Variants in ADAMTS6 observed in about 807,000 individuals in gnomAD.
ADAMTS6 encodes A disintegrin and metalloproteinase with thrombospondin motifs 6.
Under a neutral mutation model 144.3 loss-of-function variants are expected in ADAMTS6, and 23 were observed. That is an observed-to-expected ratio of 0.16 (90% CI 0.11 to 0.23). The LOEUF (loss-of-function observed/expected upper bound fraction) is 0.23, where lower values mean the gene tolerates loss of function less well. Among genes scored for constraint, ADAMTS6 ranks in the 10% least tolerant of loss-of-function variants. The pLI is 1.00. For missense variants in ADAMTS6, 999 were observed against 1,379.6 expected, an observed-to-expected ratio of 0.72 and a Z score of 4.37; for synonymous variants, 444 against 457.5, an observed-to-expected ratio of 0.97 and a Z score of 0.38.
chr5:65,369,496 T>A (rs544871003), intron 7 of ADAMTS6, among the ~76,000 whole-genome samples: 3 of 151,784 alleles, frequency 2.0e-5, no homozygotes, highest in African/African-American at 7.3e-5. Flanking sequence ...ATCTTTCTTA[T>A]GTTCTTAGCT....
intron 9 of ADAMTS6, among the ~76,000 whole-genome samples, chr5:65,323,868 G>C (rs570953919): frequency 2.6e-5 from 4 of 152,326 alleles, no homozygotes; most frequent in African/African-American, 7.2e-5. Context: ...CTGATGGCCA[G>C]TGATGATGAG....
In ADAMTS6 at chr5:65,230,339, GA is replaced by G. The variant is rs1324569697; in HGVS notation, c.1934-4121del. Among the ~76,000 whole-genome samples, 3 of 110,192 alleles carry G rather than the reference GA, an allele frequency of 2.7e-5. 1 individual carries two copies. Among genetic ancestry groups the G allele is most frequent in the Non-Finnish European group, 5.1e-5 (3 of 58,888 alleles). The allele number at this position is 110,192 out of a possible 152,430, so 72.3% of individuals were successfully genotyped here. ...AATATATATAATACATTATATATAT[GA>G]AATATATATAATACATTATATATGA... On this transcript the variant is annotated intron_variant, in intron 15 of 24. Coordinates refer to ENST00000381055, the MANE Select transcript of ADAMTS6 (RefSeq NM_197941.4).
chr5:65,327,806 G>T (rs552420057), intron 9 of ADAMTS6, among the ~76,000 whole-genome samples: 2 of 152,264 alleles, frequency 1.3e-5, no homozygotes, highest in East Asian at 3.9e-4. Context: ...TGTGAAATGT[G>T]TGTGTTGACA....
At position 65,364,226 on chromosome 5, in the gene ADAMTS6, A is replaced by T. The variant is rs184618134; in HGVS notation, c.1074-30141T>A. On this transcript the variant is annotated intron_variant, in intron 7 of 24. Coordinates refer to ENST00000381055, the MANE Select transcript of ADAMTS6 (RefSeq NM_197941.4). ...GAAAGGTTTTTGGCTAAGTACAAGG[A>T]CTATTTTTCCCTGGAGAAACTGCAG... Among the ~76,000 whole-genome samples the T allele has an allele frequency of 2.6e-5, 4 of 152,308 alleles. No homozygotes were observed. In the East Asian group the frequency reaches 7.7e-4, roughly 29 times the overall value.
At chr5:65,371,822 A>C (rs936536400) in intron 7 of ADAMTS6, among the ~76,000 whole-genome samples, 36 of 152,312 alleles carry the variant, frequency 2.4e-4, no homozygotes, top group African/African-American at 8.7e-4. Flanking sequence ...CATAATTGTC[A>C]GATTCACCAA....
At chr5:65,433,433 A>G (rs2150219854) in intron 7 of ADAMTS6, among the ~76,000 whole-genome samples, 1 of 152,266 alleles carries the variant, frequency 6.6e-6, no homozygotes, top group Admixed American at 6.5e-5. Flanking sequence ...GTGACTACAA[A>G]ATCCACTTAT....
chr5:65,160,420 C>T (rs1752689804), intron 24 of ADAMTS6, among the ~76,000 whole-genome samples: 1 of 151,764 alleles, frequency 6.6e-6, no homozygotes, highest in African/African-American at 2.4e-5. Context: ...CATTCTCCAG[C>T]CTCAGCCTCC....
chr5:65,340,301 AT>A (rs1339508452), intron 7 of ADAMTS6, among the ~76,000 whole-genome samples: 2 of 152,088 alleles, frequency 1.3e-5, no homozygotes, highest in Non-Finnish European at 2.9e-5. Context: ...ATTTAAAAAA[AT>A]ATATTATTTC....
chr5:65,473,486 A>G (rs1388244509), intron 2 of ADAMTS6, 91 bp downstream of exon 2: 1 of 1,163,226 alleles, frequency 8.6e-7, no homozygotes, highest in Non-Finnish European at 1.3e-6. Context: ...ATATCCCAAA[A>G]AAAACTATCC....
At chr5:65,334,956 T>C (rs1256509420) in intron 7 of ADAMTS6, among the ~76,000 whole-genome samples, 1 of 152,200 alleles carries the variant, frequency 6.6e-6, no homozygotes, top group Non-Finnish European at 1.5e-5. Context: ...GCCTCTGTTT[T>C]ATGCTAGAAG....
Position 65,451,616 on chromosome 5 carries a change from T to A in ADAMTS6, c.932A>T (p.Asn311Ile), listed in dbSNP as rs750693845. The change falls in exon 7 of 25, where the codon AAC becomes ATC. Residue 311 changes from asparagine (N) to isoleucine (I), a missense_variant. Coordinates refer to ENST00000381055, the MANE Select transcript of ADAMTS6 (RefSeq NM_197941.4). Reference protein sequence around the residue: ...RLIVLTEDQPNLEINHHADKS... With the variant: ...RLIVLTEDQPILEINHHADKS... ...GTCTGCATGGTGGTTTATCTCCAAG[T>A]TTGGCTGCAATACAACATGCATACC... The A allele has an allele frequency of 1.9e-6, 3 of 1,612,684 alleles. No homozygotes were observed. The highest frequency in any genetic ancestry group is 2.5e-6 in the Non-Finnish European group (3 of 1,179,418).
intron 18 of ADAMTS6, among the ~76,000 whole-genome samples, chr5:65,219,415 A>G (rs984682866): frequency 6.6e-6 from 1 of 152,262 alleles, no homozygotes; most frequent in Admixed American, 6.5e-5. Context: ...ACATTATAAG[A>G]AATCAAGATT....
At chr5:65,391,159 G>A (rs570208874) in intron 7 of ADAMTS6, among the ~76,000 whole-genome samples, 2 of 152,100 alleles carry the variant, frequency 1.3e-5, no homozygotes, top group Middle Eastern at 3.4e-3. Flanking sequence ...GGGCCCAAGC[G>A]ATCTGCTGAA....
chr5:65,270,764 G>A (rs1190510932), intron 12 of ADAMTS6, among the ~76,000 whole-genome samples: 3 of 152,226 alleles, frequency 2.0e-5, no homozygotes, highest in East Asian at 1.9e-4. Flanking sequence ...CTTATGTTGT[G>A]AATATAAATG....
At chr5:65,393,978 T>C (rs1311678820) in intron 7 of ADAMTS6, among the ~76,000 whole-genome samples, 2 of 152,138 alleles carry the variant, frequency 1.3e-5, no homozygotes, top group Non-Finnish European at 2.9e-5. Context: ...GTCAGGTAAA[T>C]AGGGAGCAAA....
chr5:65,318,074 C>CA (rs78876970), intron 9 of ADAMTS6, among the ~76,000 whole-genome samples: 3,634 of 62,726 alleles, frequency 0.058, 119 homozygotes, highest in East Asian at 0.14. Context: ...GACTCCATCT[C>CA]AAAAAAAAAA....
At chr5:65,457,748 T>TC (rs1257775803) in intron 4 of ADAMTS6, among the ~76,000 whole-genome samples, 69 of 146,244 alleles carry the variant, frequency 4.7e-4, no homozygotes, top group Non-Finnish European at 6.5e-4. Context: ...TTTCTTTCTT[T>TC]TTTTTTTTTT....
chr5:65,262,408 T>G (rs3815766), intron 13 of ADAMTS6, among the ~76,000 whole-genome samples: 6,103 of 152,324 alleles, frequency 0.04, 192 homozygotes, highest in East Asian at 0.064. Flanking sequence ...TCATTGGTCC[T>G]TTTAATACTG....
intron 21 of ADAMTS6, among the ~76,000 whole-genome samples, chr5:65,189,214 CA>C (rs1267824287): frequency 2.0e-5 from 3 of 152,236 alleles, no homozygotes; most frequent in Non-Finnish European, 2.9e-5. Context: ...TACATAATTT[CA>C]GGGGGTTTGT....
Sources: gnomAD v4.1 joint callset for allele counts (sites outside exome capture counted in the v4.1 genomes callset) on GRCh38, gnomAD v4.1.1 for gene constraint, MANE v1.5 for transcripts, NCBI Gene and HGNC (gene_info 2026-07-23, HGNC 2026-07-21) for gene names.